The following SHISA9 variants were observed in gnomAD, a reference collection of about 807,000 sequenced individuals.
SHISA9 encodes shisa family member 9.
SHISA9 carries 13 observed loss-of-function variants against 38.0 expected under a neutral mutation model. The ratio of observed to expected loss-of-function variants is 0.34; its 90% CI spans 0.22 to 0.54. The LOEUF is 0.54. SHISA9 is among the 20% of genes least tolerant of loss of function. SHISA9 has a pLI of 0.91. For synonymous variants in SHISA9, 275 were observed against 242.0 expected, an observed-to-expected ratio of 1.14 and a Z score of -1.27; for missense variants, 538 against 575.8, an observed-to-expected ratio of 0.93 and a Z score of 0.67.
At chr16:12,957,645 T>C (rs1176987985) in intron 2 of SHISA9, among the ~76,000 whole-genome samples, 1 of 152,194 alleles carries the variant, frequency 6.6e-6, no homozygotes, top group Non-Finnish European at 1.5e-5. Context: ...TTTCAACATA[T>C]GAATTTGGGG....
intron 4 of SHISA9, among the ~76,000 whole-genome samples, chr16:13,228,681 C>G (rs2051302554): frequency 6.6e-6 from 1 of 152,044 alleles, no homozygotes; most frequent in African/African-American, 2.4e-5. Flanking sequence ...TCTCTATGTT[C>G]TCACTGTATT....
At chr16:13,182,007 G>A (rs1443888511) in intron 2 of SHISA9, among the ~76,000 whole-genome samples, 3 of 152,178 alleles carry the variant, frequency 2.0e-5, no homozygotes, top group African/African-American at 7.2e-5. Flanking sequence ...GGACTGACGT[G>A]GGGAGGCAGA....
chr16:13,497,151 A>G, the SHISA9 span, among the ~76,000 whole-genome samples: 1 of 152,254 alleles, frequency 6.6e-6, no homozygotes, highest in Non-Finnish European at 1.5e-5. Context: ...TTTAAATTTT[A>G]TTTTTAATTG....
At chr16:13,305,578 G>C in the SHISA9 span, among the ~76,000 whole-genome samples, 2 of 152,172 alleles carry the variant, frequency 1.3e-5, no homozygotes, top group South Asian at 4.1e-4. Context: ...GCCTGGTGGG[G>C]AAGTCCATGT....
intron 2 of SHISA9, among the ~76,000 whole-genome samples, chr16:13,141,112 A>T (rs539399283): frequency 6.6e-6 from 1 of 152,230 alleles, no homozygotes; most frequent in East Asian, 1.9e-4. Flanking sequence ...GACAAAGAAA[A>T]ATTAAAGCAA....
intron 2 of SHISA9, among the ~76,000 whole-genome samples, chr16:13,158,962 A>C (rs2050571725): frequency 6.6e-6 from 1 of 150,732 alleles, no homozygotes; most frequent in African/African-American, 2.4e-5. Flanking sequence ...CGCGAGGCTG[A>C]GGCAGGAGAA....
intron 2 of SHISA9, among the ~76,000 whole-genome samples, chr16:12,965,672 C>A (rs1011873428): frequency 2.0e-5 from 3 of 152,134 alleles, no homozygotes; most frequent in African/African-American, 7.2e-5. Context: ...GGTTTACTCC[C>A]CCTCCCACAT....
At chr16:13,163,142 C>G (rs1007387582) in intron 2 of SHISA9, among the ~76,000 whole-genome samples, 8 of 152,000 alleles carry the variant, frequency 5.3e-5, no homozygotes, top group Admixed American at 3.3e-4. Flanking sequence ...TTTCTTTGTC[C>G]GTGAAAGGAT....
chr16:13,055,356 T>A (rs955018966), intron 2 of SHISA9, among the ~76,000 whole-genome samples: 1 of 152,228 alleles, frequency 6.6e-6, no homozygotes, highest in Non-Finnish European at 1.5e-5. Context: ...TTTTAGGCTC[T>A]TTGGGAGTAA....
At chr16:12,919,840 C>T (rs1040126097) in intron 2 of SHISA9, among the ~76,000 whole-genome samples, 1 of 152,204 alleles carries the variant, frequency 6.6e-6, no homozygotes, top group African/African-American at 2.4e-5. Context: ...ATCAAAAGGG[C>T]CTCAACCTCT....
At chr16:13,070,636 G>A (rs558555795) in intron 2 of SHISA9, among the ~76,000 whole-genome samples, 26 of 152,280 alleles carry the variant, frequency 1.7e-4, no homozygotes, top group African/African-American at 6.0e-4. Flanking sequence ...AAGTGGGGGC[G>A]GGGCACCAGG....
At chr16:13,405,822 G>C in the SHISA9 span, among the ~76,000 whole-genome samples, 2 of 151,680 alleles carry the variant, frequency 1.3e-5, no homozygotes, top group South Asian at 4.2e-4. Flanking sequence ...TTTTATGGCT[G>C]TGTAGTATTC....
chr16:13,296,891 C>CAAA, the SHISA9 span, among the ~76,000 whole-genome samples: 215 of 26,650 alleles, frequency 8.1e-3, 1 homozygote, highest in Non-Finnish European at 9.7e-3. Context: ...AACTCCATCT[C>CAAA]AAAAAAAAAA....
the SHISA9 span, among the ~76,000 whole-genome samples, chr16:13,342,624 T>C: frequency 2.6e-5 from 4 of 152,190 alleles, no homozygotes; most frequent in African/African-American, 4.8e-5. Flanking sequence ...CTTTGATCTT[T>C]AAGGCAACAA....
chr16:13,291,904 T>C, the SHISA9 span, among the ~76,000 whole-genome samples: 2 of 152,182 alleles, frequency 1.3e-5, no homozygotes, highest in African/African-American at 4.8e-5. Context: ...ACATGACTAC[T>C]GCTAAGAGAT....
At position 13,027,930 on chromosome 16, in the gene SHISA9, AAAC is replaced by A. The variant is rs1277945763; in HGVS notation, c.691+111118_691+111120del. ...TGACTAGAGTGAAGCTCTGTCTCAA[AAAC>A]AAAAAAAAAAAAAAAAAAAAAGAAT... On this transcript the variant is annotated intron_variant, in intron 2 of 4. Transcript: ENST00000558583. Among the ~76,000 whole-genome samples the A allele has an allele frequency of 1.5e-4, 17 of 116,186 alleles. 1 individual carries two copies. The highest frequency in any genetic ancestry group is 2.8e-4 in the South Asian group (1 of 3,568). 76.2% of individuals were successfully genotyped at this position (116,186 alleles called of 152,430 possible).
chr16:13,134,433 TC>T (rs1375376104), intron 2 of SHISA9, among the ~76,000 whole-genome samples: 1 of 152,120 alleles, frequency 6.6e-6, no homozygotes, highest in Non-Finnish European at 1.5e-5. Context: ...AATGGTTTCT[TC>T]CCAGGCCAAT....
At chr16:13,168,807 G>A (rs763736639) in intron 2 of SHISA9, among the ~76,000 whole-genome samples, 22 of 152,222 alleles carry the variant, frequency 1.4e-4, no homozygotes, top group Non-Finnish European at 5.9e-5. Context: ...CCAACTGTGT[G>A]GCCTTGGCCA....
intron 2 of SHISA9, among the ~76,000 whole-genome samples, chr16:13,070,021 G>C (rs73518740): frequency 6.6e-6 from 1 of 152,168 alleles, no homozygotes; most frequent in African/African-American, 2.4e-5. Flanking sequence ...AGCAGCTCAC[G>C]TGGACTAAGA....
Sources: allele counts gnomAD v4.1 joint callset (sites outside exome capture counted in the v4.1 genomes callset), GRCh38; gene constraint gnomAD v4.1.1; transcripts MANE v1.5; gene names NCBI Gene and HGNC (gene_info 2026-07-23, HGNC 2026-07-21).